Variants in CDH13 observed in about 807,000 individuals in gnomAD.
The protein encoded by CDH13 is cadherin 13, also known as cadherin-13.
CDH13 carries 24 observed loss-of-function variants against 63.8 expected under a neutral mutation model. The observed-to-expected ratio is 0.38, with a 90% CI of 0.27 to 0.53. The LOEUF (loss-of-function observed/expected upper bound fraction) is 0.53, where lower values mean the gene tolerates loss of function less well. Ranked by LOEUF, CDH13 falls within the 20% of genes least tolerant of loss-of-function variation. CDH13 has a pLI of 0.85. For synonymous variants in CDH13, 503 were observed against 355.3 expected (o/e 1.42, Z -4.67); for missense variants, 1,049 against 903.1 (o/e 1.16, Z -2.07).
intron 8 of CDH13, among the ~76,000 whole-genome samples, chr16:83,632,572 G>A (rs1910882201): frequency 6.6e-6 from 1 of 151,500 alleles, no homozygotes; most frequent in Admixed American, 6.6e-5. Flanking sequence ...GTTACAGCAG[G>A]TTATCCTCAA....
chr16:82,686,841 T>C (rs985848705), intron 1 of CDH13, among the ~76,000 whole-genome samples: 1 of 152,192 alleles, frequency 6.6e-6, no homozygotes, highest in Non-Finnish European at 1.5e-5. Flanking sequence ...CCCCACCATG[T>C]GGAACAACAC....
intron 1 of CDH13, among the ~76,000 whole-genome samples, chr16:82,853,677 G>T (rs2039580648): frequency 6.6e-6 from 1 of 152,176 alleles, no homozygotes; most frequent in African/African-American, 2.4e-5. Context: ...GTAATTTTTA[G>T]ATAATAGAAA....
intron 2 of CDH13, among the ~76,000 whole-genome samples, chr16:82,914,632 G>A (rs1345120735): frequency 6.6e-6 from 1 of 152,140 alleles, no homozygotes; most frequent in African/African-American, 2.4e-5. Flanking sequence ...ATCTTTTAAG[G>A]CAAATCCTGC....
chr16:83,562,545 A>G (rs1014787692), intron 7 of CDH13, among the ~76,000 whole-genome samples: 1 of 152,234 alleles, frequency 6.6e-6, no homozygotes, highest in Non-Finnish European at 1.5e-5. Context: ...TGCATGAGTA[A>G]GAAGAGACCC....
At chr16:83,212,219 G>A (rs2039358444) in intron 4 of CDH13, among the ~76,000 whole-genome samples, 1 of 152,156 alleles carries the variant, frequency 6.6e-6, no homozygotes, top group Non-Finnish European at 1.5e-5. Flanking sequence ...TTTGAAGCAT[G>A]GCTGAGTGTA....
At chr16:83,726,529 G>A (rs1910405691) in intron 10 of CDH13, among the ~76,000 whole-genome samples, 1 of 152,176 alleles carries the variant, frequency 6.6e-6, no homozygotes. Context: ...GCAAAAAATG[G>A]AAGAAAAATC....
chr16:83,113,099 T>C (rs954490899), intron 3 of CDH13, among the ~76,000 whole-genome samples: 4 of 152,194 alleles, frequency 2.6e-5, no homozygotes, highest in Non-Finnish European at 4.4e-5. Context: ...AGGACTTCCA[T>C]GCAACTCCAG....
chr16:83,027,763 C>G (rs1915952299), intron 2 of CDH13, among the ~76,000 whole-genome samples: 1 of 152,182 alleles, frequency 6.6e-6, no homozygotes, highest in African/African-American at 2.4e-5. Flanking sequence ...TCCTTCAATT[C>G]TCCCTTGCTG....
At chr16:83,302,881 T>G (rs75288650) in intron 5 of CDH13, among the ~76,000 whole-genome samples, 2,848 of 152,222 alleles carry the variant, frequency 0.019, 81 homozygotes, top group African/African-American at 0.061. Flanking sequence ...AGTGAGAAAA[T>G]AAATTTCATC....
At chr16:83,162,442 G>A (rs1417853959) in intron 4 of CDH13, among the ~76,000 whole-genome samples, 1 of 152,090 alleles carries the variant, frequency 6.6e-6, no homozygotes, top group African/African-American at 2.4e-5. Context: ...GTTGTTGAGT[G>A]GTTTACCCAA....
intron 6 of CDH13, among the ~76,000 whole-genome samples, chr16:83,482,099 G>GTC (rs1257518565): frequency 6.6e-6 from 1 of 152,226 alleles, no homozygotes; most frequent in African/African-American, 2.4e-5. Flanking sequence ...CTCAGAGGCA[G>GTC]TCGTGGAAAA....
intron 5 of CDH13, among the ~76,000 whole-genome samples, chr16:83,286,820 A>G (rs1232751586): frequency 3.3e-5 from 5 of 151,148 alleles, no homozygotes; most frequent in African/African-American, 1.2e-4. Context: ...AAATATATTT[A>G]CATCTATCTA....
At chr16:83,708,344 A>G (rs944604220) in intron 10 of CDH13, among the ~76,000 whole-genome samples, 1 of 152,240 alleles carries the variant, frequency 6.6e-6, no homozygotes, top group Non-Finnish European at 1.5e-5. Flanking sequence ...CAACCTCATT[A>G]TAATGGCATT....
chr16:83,486,491 C>CACCACGGTA lies in CDH13; in HGVS notation c.796_797insACCACGGTA (p.Met265_Arg266insHisHisGly). Reference sequence around the variant, plus strand: ...TGCCCCGGTAGGCACCACAGTGATGCGGATGACAGCCTTTGATGCAGATGA... The same window carrying CACCACGGTA: ...TGCCCCGGTAGGCACCACAGTGATGCACCACGGTAGGATGACAGCCTTTGATGCAGATGA... On this transcript the variant is annotated inframe_insertion, in exon 7 of 14. Transcript: ENST00000567109. The CACCACGGTA allele has an allele frequency of 6.2e-7, 1 of 1,613,066 alleles. No homozygotes were observed. The highest frequency in any genetic ancestry group is 8.5e-7 in the Non-Finnish European group (1 of 1,179,390).
chr16:83,485,612 C>A (rs979129010), intron 6 of CDH13, among the ~76,000 whole-genome samples: 1 of 152,118 alleles, frequency 6.6e-6, no homozygotes, highest in African/African-American at 2.4e-5. Flanking sequence ...TTGTTCCTGC[C>A]TACTCTCTTC....
chr16:82,968,505 A>G (rs142393995), intron 2 of CDH13, among the ~76,000 whole-genome samples: 320 of 152,320 alleles, frequency 2.1e-3, no homozygotes, highest in Non-Finnish European at 3.5e-3. Flanking sequence ...GCTTGGAGAC[A>G]TAAGGGAGGT....
At chr16:82,969,666 G>A (rs1908408198) in intron 2 of CDH13, among the ~76,000 whole-genome samples, 1 of 152,014 alleles carries the variant, frequency 6.6e-6, no homozygotes, top group Non-Finnish European at 1.5e-5. Context: ...GATACCACTA[G>A]CAGCACTGCA....
chr16:83,683,244 T>C (rs1382386379), intron 10 of CDH13, among the ~76,000 whole-genome samples: 1 of 152,248 alleles, frequency 6.6e-6, no homozygotes, highest in African/African-American at 2.4e-5. Context: ...TGAACAGCAG[T>C]GGTCTAGTGA....
intron 6 of CDH13, among the ~76,000 whole-genome samples, chr16:83,388,934 A>G (rs1199674300): frequency 2.0e-5 from 3 of 152,182 alleles, no homozygotes; most frequent in Non-Finnish European, 2.9e-5. Flanking sequence ...GCGTTGGTCT[A>G]AAGCACAATT....
Sources: gnomAD v4.1 joint callset for allele counts (sites outside exome capture counted in the v4.1 genomes callset) on GRCh38, gnomAD v4.1.1 for gene constraint, MANE v1.5 for transcripts, NCBI Gene and HGNC (gene_info 2026-07-23, HGNC 2026-07-21) for gene names.